BRINP3: variants seen among roughly 807,000 people sequenced by gnomAD.
BRINP3 encodes BMP/retinoic acid inducible neural specific 3.
BRINP3 carries 19 observed loss-of-function variants against 71.0 expected under a neutral mutation model. The observed-to-expected ratio is 0.27, with a 90% CI of 0.19 to 0.39. BRINP3 has a LOEUF of 0.39. BRINP3 is among the 10% of genes least tolerant of loss of function. The pLI, the probability that BRINP3 is intolerant of heterozygous loss-of-function variation, is 1.00. For missense variants in BRINP3, 959 were observed against 940.8 expected (o/e 1.02, Z -0.25); for synonymous variants, 380 against 337.7 (o/e 1.13, Z -1.37).
chr1:190,254,428 T>A (rs577312773), intron 4 of BRINP3, among the ~76,000 whole-genome samples: 3 of 152,188 alleles, frequency 2.0e-5, no homozygotes, highest in Non-Finnish European at 4.4e-5. Flanking sequence ...TTCCATTGGT[T>A]TGTGTCCTCT....
chr1:190,220,353 G>A (rs867634071), intron 6 of BRINP3, among the ~76,000 whole-genome samples: 2 of 152,038 alleles, frequency 1.3e-5, no homozygotes, highest in Middle Eastern at 3.4e-3. Context: ...GAGATCACAC[G>A]GACACAGGGA....
At chr1:190,161,389 T>A (rs1304838287) in intron 6 of BRINP3, among the ~76,000 whole-genome samples, 5 of 151,492 alleles carry the variant, frequency 3.3e-5, no homozygotes, top group Admixed American at 6.6e-5. Flanking sequence ...CCTTTTTAAA[T>A]ATAAAATTTT....
At chr1:190,307,959 A>T (rs1665235721) in intron 2 of BRINP3, among the ~76,000 whole-genome samples, 1 of 151,982 alleles carries the variant, frequency 6.6e-6, no homozygotes, top group African/African-American at 2.4e-5. Flanking sequence ...ATGTGAACCA[A>T]ACACTGAAGC....
chr1:190,407,599 A>G (rs1476552671), intron 2 of BRINP3, among the ~76,000 whole-genome samples: 1 of 152,218 alleles, frequency 6.6e-6, no homozygotes, highest in East Asian at 1.9e-4. Context: ...CATTAAATTT[A>G]TTTATTCAAA....
intron 2 of BRINP3, among the ~76,000 whole-genome samples, chr1:190,371,306 A>G (rs1669850468): frequency 6.6e-6 from 1 of 152,198 alleles, no homozygotes; most frequent in African/African-American, 2.4e-5. Context: ...TTAAAATTTC[A>G]ATTGTTATGT....
intron 2 of BRINP3, among the ~76,000 whole-genome samples, chr1:190,298,147 T>C (rs1238375865): frequency 6.6e-6 from 1 of 152,144 alleles, no homozygotes; most frequent in Non-Finnish European, 1.5e-5. Flanking sequence ...CTAAGTATCC[T>C]CTTAATTAAT....
chr1:190,119,339 C>T (rs1427538011), intron 7 of BRINP3, among the ~76,000 whole-genome samples: 5 of 152,052 alleles, frequency 3.3e-5, no homozygotes, highest in South Asian at 2.1e-4. Flanking sequence ...TGCAGTGGCA[C>T]GATCTCGGCT....
At chr1:190,377,540 G>A (rs1670257557) in intron 2 of BRINP3, among the ~76,000 whole-genome samples, 4 of 144,420 alleles carry the variant, frequency 2.8e-5, no homozygotes, top group South Asian at 4.3e-4. Flanking sequence ...TCTACTTGCA[G>A]AGGAAATAAT....
At chr1:190,300,681 C>CGGCCA (rs1558159628) in intron 2 of BRINP3, among the ~76,000 whole-genome samples, 1 of 151,702 alleles carries the variant, frequency 6.6e-6, no homozygotes, top group Non-Finnish European at 1.5e-5. Context: ...ACACCTCACA[C>CGGCCA]GGCCAGGTAG....
chr1:190,178,027 G>A (rs1297840944), intron 6 of BRINP3, among the ~76,000 whole-genome samples: 1 of 152,054 alleles, frequency 6.6e-6, no homozygotes, highest in Non-Finnish European at 1.5e-5. Context: ...GAGGATTTGT[G>A]TCAGATATAT....
At chr1:190,460,059 A>G (rs1676281706) in intron 1 of BRINP3, among the ~76,000 whole-genome samples, 1 of 152,000 alleles carries the variant, frequency 6.6e-6, no homozygotes, top group Non-Finnish European at 1.5e-5. Context: ...TCTTGAGCAA[A>G]TACTACTTTG....
chr1:190,274,502 C>G (rs1158453259), intron 3 of BRINP3, among the ~76,000 whole-genome samples: 1 of 151,566 alleles, frequency 6.6e-6, no homozygotes, highest in African/African-American at 2.4e-5. Flanking sequence ...GAGTGAAAAT[C>G]CTTCTCACAG....
chr1:190,227,273 T>C (rs1657479245), intron 5 of BRINP3, among the ~76,000 whole-genome samples: 1 of 151,816 alleles, frequency 6.6e-6, no homozygotes, highest in South Asian at 2.1e-4. Context: ...ATCTTAGAGG[T>C]TGATTTAATA....
At chr1:190,193,839 C>T (rs866942359) in intron 6 of BRINP3, among the ~76,000 whole-genome samples, 32 of 152,110 alleles carry the variant, frequency 2.1e-4, no homozygotes, top group African/African-American at 7.5e-4. Flanking sequence ...AAAATGTAAT[C>T]GTAAAAAATA....
rs977650422 is a variant in BRINP3 at position 190,472,404 on chromosome 1, C to G, written c.-51+5044G>C. 1.4e-4 allele frequency among the ~76,000 whole-genome samples: 21 copies of G among 151,602 alleles called. 2 individuals are homozygous for G. The highest frequency in any genetic ancestry group is 1.1e-3 in the Admixed American group (16 of 15,228). ...AAGAGAACATCACTAATCATAAGCA[C>G]ACAATCATAATATCCAAAAATCTTT... On this transcript the variant is annotated intron_variant, in intron 1 of 7. Transcript: ENST00000367462.
At chr1:190,179,654 G>A (rs1251281376) in intron 6 of BRINP3, among the ~76,000 whole-genome samples, 2 of 152,064 alleles carry the variant, frequency 1.3e-5, no homozygotes, top group African/African-American at 2.4e-5. Flanking sequence ...TCTCCAAGGA[G>A]TCTCTCAATG....
intron 6 of BRINP3, among the ~76,000 whole-genome samples, chr1:190,181,557 G>A (rs147665199): frequency 1.6e-4 from 25 of 151,846 alleles, no homozygotes; most frequent in Admixed American, 3.9e-4. Flanking sequence ...GTATGTATTT[G>A]TTTTAAATGG....
chr1:190,338,635 C>G (rs1368584846), intron 2 of BRINP3, among the ~76,000 whole-genome samples: 1 of 151,830 alleles, frequency 6.6e-6, no homozygotes, highest in Admixed American at 6.6e-5. Context: ...TAGACACATG[C>G]CTGTTTTTGT....
In BRINP3 at chr1:190,234,457, A is replaced by T; in HGVS notation, c.639T>A (p.Gly213=). The T allele has an allele frequency of 6.2e-7, 1 of 1,612,758 alleles. No individual in the cohort carries two copies. The highest frequency in any genetic ancestry group is 1.1e-5 in the South Asian group (1 of 90,800). ...TGTCATAGTTACTGCAGCCAAGAGG[A>T]CCAGTCCGTGTTTCTGTTACCTGGC... ...TAIKVTETRT[G]PLGCSNYDNL... The change falls in exon 5 of 8, where the codon GGT becomes GGA. Residue 213 remains glycine (G), a synonymous_variant. Transcript: ENST00000367462.
Sources: gnomAD v4.1 joint callset for allele counts (sites outside exome capture counted in the v4.1 genomes callset) on GRCh38, gnomAD v4.1.1 for gene constraint, MANE v1.5 for transcripts, NCBI Gene and HGNC (gene_info 2026-07-23, HGNC 2026-07-21) for gene names.